The following MLIP variants were observed in gnomAD, a reference collection of about 807,000 sequenced individuals.
MLIP encodes the protein muscular LMNA-interacting protein.
MLIP carries 79 observed loss-of-function variants against 84.8 expected under a neutral mutation model. The observed-to-expected ratio is 0.93, with a 90% CI of 0.78 to 1.12. The LOEUF (loss-of-function observed/expected upper bound fraction) is 1.12. Among genes scored for constraint, MLIP ranks in the 50% most tolerant of loss-of-function variants. MLIP has a pLI of 0.00. For missense variants in MLIP, 1,257 were observed against 1,160.6 expected, an observed-to-expected ratio of 1.08 and a Z score of -1.21; for synonymous variants, 504 against 463.0, an observed-to-expected ratio of 1.09 and a Z score of -1.14.
At chr6:54,169,814 T>G (rs1775590602) in intron 9 of MLIP, among the ~76,000 whole-genome samples, 1 of 151,700 alleles carries the variant, frequency 6.6e-6, no homozygotes, top group Non-Finnish European at 1.5e-5. Context: ...TAAATAGAAC[T>G]GCCACACCTG....
At chr6:54,158,873 A>C (rs1350875153) in intron 5 of MLIP, among the ~76,000 whole-genome samples, 1 of 6,686 alleles carries the variant, frequency 1.5e-4, no homozygotes, top group South Asian at 2.9e-3. Flanking sequence ...AAGTATGATA[A>C]AAAAAAAAAA....
At position 54,238,302 on chromosome 6, in the gene MLIP, C is replaced by T. The variant is rs1435794673; in HGVS notation, c.2922+7385C>T. 5.3e-5 allele frequency among the ~76,000 whole-genome samples: 8 copies of T among 152,166 alleles called. No homozygotes were observed. In the East Asian group the frequency reaches 1.5e-3, roughly 29 times the overall value. On this transcript the variant is annotated intron_variant, in intron 12 of 13. Coordinates refer to ENST00000502396, the MANE Select transcript of MLIP (RefSeq NM_001281747.2). ...CTGTCCATAACTTTTCTTCTTTCCT[C>T]CATTCACCCCTTCTCATTTCTTCTA...
At chr6:54,161,847 GC>G in intron 8 of MLIP, among the ~76,000 whole-genome samples, 1 of 151,662 alleles carries the variant, frequency 6.6e-6, no homozygotes, top group East Asian at 1.9e-4. Context: ...TATGCTTTAA[GC>G]CTTTTAATCT....
intron 9 of MLIP, among the ~76,000 whole-genome samples, chr6:54,177,568 A>G (rs2150622605): frequency 6.6e-6 from 1 of 152,316 alleles, no homozygotes; most frequent in East Asian, 1.9e-4. Context: ...GGCTGTGGAG[A>G]AATAGAAATG....
At chr6:54,214,814 T>C (rs1421635663) in intron 11 of MLIP, among the ~76,000 whole-genome samples, 3 of 152,278 alleles carry the variant, frequency 2.0e-5, no homozygotes, top group African/African-American at 7.2e-5. Context: ...AAGACAAAAC[T>C]AGAAAACATT....
rs534050244 is a variant in MLIP, at chr6:54,104,582, C to T, written c.64-16865C>T. 5.3e-5 allele frequency among the ~76,000 whole-genome samples: 8 copies of T among 152,156 alleles called. No homozygotes were observed. The East Asian group carries it at 1.5e-3, about 29-fold the overall frequency. ...ACAAGTGGATTTATACTTAGTAGAC[C>T]GGAAATATATACCACCTTCCTTCCT... is the stretch of plus-strand genomic sequence containing the variant. On this transcript the variant is annotated intron_variant, in intron 1 of 12. Coordinates refer to the MLIP transcript ENST00000274897.
chr6:54,188,604 C>T (rs1777621723), intron 9 of MLIP, among the ~76,000 whole-genome samples: 1 of 152,102 alleles, frequency 6.6e-6, no homozygotes, highest in African/African-American at 2.4e-5. Context: ...TATGGGACCC[C>T]TGTCATACAT....
At chr6:54,113,424 G>C (rs965170781) in intron 1 of MLIP, among the ~76,000 whole-genome samples, 9 of 152,078 alleles carry the variant, frequency 5.9e-5, no homozygotes, top group Non-Finnish European at 2.9e-5. Flanking sequence ...GTTGTATTAC[G>C]TATTGTTGAT....
chr6:54,162,290 T>C (rs916012986), intron 8 of MLIP, among the ~76,000 whole-genome samples: 2 of 151,972 alleles, frequency 1.3e-5, no homozygotes, highest in African/African-American at 4.8e-5. Flanking sequence ...AACAGGCATG[T>C]GTAAATTTCC....
chr6:54,231,215 T>C (rs1780978430), intron 12 of MLIP, among the ~76,000 whole-genome samples: 1 of 152,144 alleles, frequency 6.6e-6, no homozygotes, highest in Non-Finnish European at 1.5e-5. Context: ...TTTCAAAACC[T>C]CACAAAATGC....
At chr6:54,031,967 G>C (rs1764166611) in intron 1 of MLIP, among the ~76,000 whole-genome samples, 1 of 152,124 alleles carries the variant, frequency 6.6e-6, no homozygotes, top group Non-Finnish European at 1.5e-5. Flanking sequence ...CATTGGAAAA[G>C]CATCACCAGA....
intron 1 of MLIP, chr6:54,047,575 T>A (rs535054298): frequency 1.4e-4 from 22 of 152,288 alleles, no homozygotes; most frequent in African/African-American, 5.3e-4. Flanking sequence ...AGTAGGAGAA[T>A]GCAGAGTCAA....
chr6:54,111,505 G>A lies in MLIP; in HGVS notation c.26G>A (p.Ser9Asn). 2 of 1,536,036 alleles carry A rather than the reference G, an allele frequency of 1.3e-6. No homozygotes were observed. The highest frequency in any genetic ancestry group is 1.2e-5 in the South Asian group (1 of 84,056). MLSEQGLL[S>N]DCGNNYFQMT... The stretch of plus-strand genomic sequence containing the variant: ...ATGCTTTCAGAACAGGGGCTTCTGA[G>A]TGACTGCGGGAACAATTACTTCCAA... Residue 9 changes from serine (S) to asparagine (N), a missense_variant, in exon 1 of 14, where the codon AGT (serine) becomes AAT (asparagine). Ser to Asn is a conservative substitution (Grantham distance 46). Transcript: ENST00000502396.
intron 12 of MLIP, among the ~76,000 whole-genome samples, chr6:54,238,862 T>G (rs1417696570): frequency 6.6e-6 from 1 of 152,200 alleles, no homozygotes; most frequent in Admixed American, 6.5e-5. Context: ...AGTGGAGCCA[T>G]TTTATTTCAC....
At chr6:54,195,080 GT>G in intron 10 of MLIP, among the ~76,000 whole-genome samples, 1 of 151,902 alleles carries the variant, frequency 6.6e-6, no homozygotes, top group East Asian at 1.9e-4. Flanking sequence ...AATATATTGA[GT>G]TTGCACAAAC....
chr6:54,138,209 T>C lies in MLIP; in HGVS notation c.2140T>C (p.Ser714Pro), dbSNP rs1436228596. 1 of 1,536,030 alleles carries C rather than the reference T, an allele frequency of 6.5e-7. No individual in the cohort carries two copies. Among genetic ancestry groups the C allele is most frequent in the Non-Finnish European group, 8.7e-7 (1 of 1,146,872 alleles). Reference protein sequence around the residue: ...SPVSTPSLPISLTRTEELISP... With the variant: ...SPVSTPSLPIPLTRTEELISP... ...TGTTTCAACCCCATCACTTCCCATA[T>C]CTCTAACAAGGACAGAGGAGCTGAT... The change falls in exon 4 of 14, where the codon TCT (serine) becomes CCT (proline). Residue 714 changes from serine (S) to proline (P), a missense_variant. By Grantham distance (74) the Ser-to-Pro change is moderately conservative. Transcript: ENST00000502396.
chr6:54,060,774 A>G (rs1366092385), intron 1 of MLIP, among the ~76,000 whole-genome samples: 1 of 152,174 alleles, frequency 6.6e-6, no homozygotes, highest in African/African-American at 2.4e-5. Flanking sequence ...GTTAGAAAAG[A>G]TAGAAGGAGG....
upstream of MLIP, among the ~76,000 whole-genome samples, chr6:54,106,696 T>A (rs1037519625): frequency 1.3e-5 from 2 of 151,944 alleles, no homozygotes; most frequent in African/African-American, 4.8e-5. Context: ...GTGAGGAAAA[T>A]TTTGGGAGGT....
intron 12 of MLIP, among the ~76,000 whole-genome samples, chr6:54,247,655 T>G (rs1286082893): frequency 6.6e-6 from 1 of 152,130 alleles, no homozygotes; most frequent in Non-Finnish European, 1.5e-5. Context: ...AATGGAGGAA[T>G]GTGGCCCAAT....
Sources: allele counts gnomAD v4.1 joint callset (sites outside exome capture counted in the v4.1 genomes callset), GRCh38; gene constraint gnomAD v4.1.1; transcripts MANE v1.5; gene names NCBI Gene and HGNC (gene_info 2026-07-23, HGNC 2026-07-21).